ICA1: variants seen among roughly 807,000 people sequenced by gnomAD.
The protein encoded by ICA1 is islet cell autoantigen 1.
A neutral mutation model predicts 71.0 loss-of-function variants in ICA1; 40 were observed. The ratio of observed to expected loss-of-function variants is 0.56; its 90% confidence interval spans 0.44 to 0.73. ICA1 has a LOEUF of 0.73. Among genes scored for constraint, ICA1 ranks in the 30% least tolerant of loss-of-function variants. The pLI is 0.00. For missense variants in ICA1, 578 were observed against 576.5 expected (o/e 1.00, Z -0.03); for synonymous variants, 207 against 209.5 (o/e 0.99, Z 0.10).
Position 8,244,550 on chromosome 7 carries a change from A to T in ICA1, c.-79-8545T>A, listed in dbSNP as rs553936669. Reference sequence around the variant, plus strand: ...AAGCAATGGCAACAAAAGCCAAAATACACACATGGGATCTAATTAAACTAA... The same window carrying T: ...AAGCAATGGCAACAAAAGCCAAAATTCACACATGGGATCTAATTAAACTAA... On this transcript the variant is annotated intron_variant, in intron 1 of 13. Transcript: ENST00000402384. Among the ~76,000 whole-genome samples, 195 of 152,266 alleles carry T rather than the reference A, an allele frequency of 1.3e-3. 2 individuals are homozygous for T. Among genetic ancestry groups the T allele is most frequent in the Admixed American group, 9.0e-3 (137 of 15,292 alleles).
intron 1 of ICA1, among the ~76,000 whole-genome samples, chr7:8,243,139 C>T (rs115207341): frequency 0.034 from 5,128 of 152,230 alleles, 157 homozygotes; most frequent in African/African-American, 0.079. Context: ...ACCTATATCC[C>T]TGATAAACAT....
intron 6 of ICA1, among the ~76,000 whole-genome samples, chr7:8,189,192 CTG>C (rs1345244782): frequency 1.3e-5 from 2 of 152,200 alleles, no homozygotes; most frequent in Non-Finnish European, 2.9e-5. Flanking sequence ...TATTATTTGA[CTG>C]TATTCCCACC....
At chr7:8,150,942 G>A (rs1470087600) in intron 8 of ICA1, among the ~76,000 whole-genome samples, 1 of 152,224 alleles carries the variant, frequency 6.6e-6, no homozygotes, top group South Asian at 2.1e-4. Flanking sequence ...GGGCATGCAG[G>A]CCCAGGCAAA....
At chr7:8,190,393 A>G (rs1214518306) in intron 6 of ICA1, among the ~76,000 whole-genome samples, 1 of 152,192 alleles carries the variant, frequency 6.6e-6, no homozygotes, top group African/African-American at 2.4e-5. Flanking sequence ...CATTCCATAA[A>G]CTCACAAATG....
rs1218188731 is a variant in ICA1 at position 8,234,476 on chromosome 7, C to T, written c.17+1434G>A. Among the ~76,000 whole-genome samples, 1 of 150,742 alleles carries T rather than the reference C, an allele frequency of 6.6e-6. No homozygotes were observed. Among genetic ancestry groups the T allele is most frequent in the Non-Finnish European group, 1.5e-5 (1 of 67,590 alleles). On this transcript the variant is annotated intron_variant, in intron 2 of 13. Coordinates refer to ENST00000402384, the MANE Select transcript of ICA1 (RefSeq NM_001136020.3). The surrounding 1 kb of genome is among the most constrained non-coding windows in gnomAD (Gnocchi z 4.5). ...CATCCCATCACCACCCAAAATGTGCCAGGCTTGTGCTGAAACGTGAGTTTG... is the reference window on the plus strand; with the variant it reads ...CATCCCATCACCACCCAAAATGTGCTAGGCTTGTGCTGAAACGTGAGTTTG...
At chr7:8,182,266 T>C (rs1300168389) in intron 6 of ICA1, among the ~76,000 whole-genome samples, 1 of 152,200 alleles carries the variant, frequency 6.6e-6, no homozygotes, top group Admixed American at 6.5e-5. Context: ...ATCCTTTATG[T>C]TCTCTTTTCT....
intron 6 of ICA1, among the ~76,000 whole-genome samples, chr7:8,190,894 A>G (rs2128297316): frequency 6.6e-6 from 1 of 152,296 alleles, no homozygotes; most frequent in Middle Eastern, 3.4e-3. Context: ...CCTTGCTTTG[A>G]CTTAGTGCAG....
At position 8,113,214 on chromosome 7, in the gene ICA1, T is replaced by TAA. The variant is rs34985399; in HGVS notation, c.*707_*708dup. The TAA allele has an allele frequency of 7.3e-3, 1,042 of 142,722 alleles. 12 individuals carry two copies. Among genetic ancestry groups the TAA allele is most frequent in the East Asian group, 0.055 (271 of 4,898 alleles). 8.8% of individuals were successfully genotyped at this position (142,722 alleles called of 1,614,324 possible). A position where few individuals can be genotyped will look rare whatever the true frequency, so the allele number is the denominator to read the frequency against. On this transcript the variant is annotated 3_prime_UTR_variant, in exon 14 of 14. Coordinates refer to ENST00000402384, the MANE Select transcript of ICA1 (RefSeq NM_001136020.3). The surrounding 1 kb of genome is among the most constrained non-coding windows in gnomAD (Gnocchi z 4.2). ...ATGTCAAATATCTTTTCTGTTTAAT[T>TAA]AAAAAAAAAAAAAAAACAATGTCAC...
intron 13 of ICA1, among the ~76,000 whole-genome samples, chr7:8,125,003 G>A (rs1788612715): frequency 6.6e-6 from 1 of 152,018 alleles, no homozygotes; most frequent in South Asian, 2.1e-4. Flanking sequence ...TGGCCAGGCT[G>A]GTCTCAAACT....
chr7:8,210,972 G>A (rs958147221), intron 6 of ICA1, among the ~76,000 whole-genome samples: 2 of 152,076 alleles, frequency 1.3e-5, no homozygotes, highest in African/African-American at 4.8e-5. Context: ...TCCTGAGACA[G>A]TCAGGCACTT....
intron 8 of ICA1, among the ~76,000 whole-genome samples, chr7:8,152,310 A>G (rs182394610): frequency 6.6e-6 from 1 of 152,126 alleles, no homozygotes; most frequent in Non-Finnish European, 1.5e-5. Flanking sequence ...AAAGTAACAT[A>G]ACCTAGAAAC....
chr7:8,242,637 G>T (rs1240671787), intron 1 of ICA1, among the ~76,000 whole-genome samples: 1 of 152,068 alleles, frequency 6.6e-6, no homozygotes, highest in Non-Finnish European at 1.5e-5. Context: ...CTGGTTTTTT[G>T]AAAAGATCAA....
intron 3 of ICA1, among the ~76,000 whole-genome samples, chr7:8,229,055 G>T (rs940985983): frequency 3.3e-5 from 5 of 150,806 alleles, no homozygotes; most frequent in East Asian, 1.9e-4. Context: ...ACTTGCTGTG[G>T]TTTTTTTTTA....
chr7:8,195,808 T>C (rs527616564), intron 6 of ICA1, among the ~76,000 whole-genome samples: 4 of 152,018 alleles, frequency 2.6e-5, no homozygotes, highest in African/African-American at 9.7e-5. Context: ...TGAAACCCCA[T>C]CTCTACTAAA....
At chr7:8,239,911 G>A (rs1486505514) in intron 1 of ICA1, among the ~76,000 whole-genome samples, 4 of 152,178 alleles carry the variant, frequency 2.6e-5, no homozygotes, top group South Asian at 2.1e-4. Flanking sequence ...TGAACTGGGC[G>A]GAACCCACTG....
At chr7:8,197,629 T>C (rs1031869538) in intron 6 of ICA1, among the ~76,000 whole-genome samples, 2 of 148,252 alleles carry the variant, frequency 1.3e-5, no homozygotes, top group Admixed American at 6.7e-5. Flanking sequence ...AGTCTTTCTA[T>C]TAAAGATGAA....
intron 6 of ICA1, among the ~76,000 whole-genome samples, chr7:8,189,283 A>T (rs565516181): frequency 6.6e-6 from 1 of 152,306 alleles, no homozygotes; most frequent in East Asian, 1.9e-4. Flanking sequence ...GCTTTGATCA[A>T]TTGGGGTCAT....
chr7:8,192,161 A>G (rs1456916730), intron 6 of ICA1, among the ~76,000 whole-genome samples: 1 of 152,230 alleles, frequency 6.6e-6, no homozygotes, highest in African/African-American at 2.4e-5. Context: ...AATGTTATCT[A>G]ATATTACAGA....
chr7:8,140,485 G>A (rs932636005), intron 10 of ICA1, among the ~76,000 whole-genome samples: 1 of 152,130 alleles, frequency 6.6e-6, no homozygotes, highest in African/African-American at 2.4e-5. Context: ...CATCACATGT[G>A]CCCAAAGCCC....
Sources: allele counts gnomAD v4.1 joint callset (sites outside exome capture counted in the v4.1 genomes callset), GRCh38; gene constraint gnomAD v4.1.1; non-coding constraint Gnocchi (gnomAD v3.1); transcripts MANE v1.5; gene names NCBI Gene and HGNC (gene_info 2026-07-23, HGNC 2026-07-21).